DNAAF4: variants seen among roughly 807,000 people sequenced by gnomAD.
The protein encoded by DNAAF4 is dynein axonemal assembly factor 4.
DNAAF4 carries 43 observed loss-of-function variants against 51.8 expected under a neutral mutation model. That is an observed-to-expected ratio of 0.83 (90% confidence interval 0.65 to 1.07). DNAAF4 has a LOEUF of 1.07. Among genes scored for constraint, DNAAF4 ranks in the 50% least tolerant of loss-of-function variants. The pLI is 0.00. For synonymous variants in DNAAF4, 194 were observed against 165.6 expected, an observed-to-expected ratio of 1.17 and a Z score of -1.32; for missense variants, 581 against 493.0, an observed-to-expected ratio of 1.18 and a Z score of -1.69.
chr15:55,505,194 A>C (rs2058720552), intron 1 of DNAAF4, among the ~76,000 whole-genome samples: 1 of 152,214 alleles, frequency 6.6e-6, no homozygotes, highest in Non-Finnish European at 1.5e-5. Context: ...TCATCAAAGA[A>C]ATGCAAATCA....
At chr15:55,433,371 G>A (rs1157469246) in intron 8 of DNAAF4, among the ~76,000 whole-genome samples, 1 of 151,934 alleles carries the variant, frequency 6.6e-6, no homozygotes, top group Non-Finnish European at 1.5e-5. Context: ...AGCACTTTGG[G>A]AGGCCCAGGC....
rs551035431 is a variant in DNAAF4, at chr15:55,442,420, G to A, written c.784-2839C>T. 6.6e-5 allele frequency among the ~76,000 whole-genome samples: 10 copies of A among 152,336 alleles called. No individual in the cohort carries two copies. The South Asian group carries it at 1.5e-3, about 22-fold the overall frequency. ...AGGCGTGAGCCACAGCGCCCTGACT[G>A]AGAGTTGTCGAAATGCTCGCAGGAA... On this transcript the variant is annotated intron_variant, in intron 6 of 9. Coordinates refer to ENST00000321149, the MANE Select transcript of DNAAF4 (RefSeq NM_130810.4).
At chr15:55,443,287 C>T (rs1288879095) in intron 6 of DNAAF4, 15 of 1,496,178 alleles carry the variant, frequency 1.0e-5, no homozygotes, top group South Asian at 2.3e-5. Context: ...ACCCGGCAGG[C>T]GCCTGCCTAC....
chr15:55,453,249 T>C (rs148116743), intron 5 of DNAAF4, among the ~76,000 whole-genome samples: 1,696 of 152,274 alleles, frequency 0.011, 16 homozygotes, highest in South Asian at 0.016. Context: ...AACAAGTCTT[T>C]TGCAAATAAG....
intron 7 of DNAAF4, among the ~76,000 whole-genome samples, chr15:55,421,767 T>C: frequency 6.6e-6 from 1 of 151,848 alleles, no homozygotes; most frequent in Non-Finnish European, 1.5e-5. Flanking sequence ...CGCATGCCTG[T>C]AATCCCAGCT....
At chr15:55,501,540 T>C (rs1317579664) in intron 1 of DNAAF4, among the ~76,000 whole-genome samples, 1 of 147,358 alleles carries the variant, frequency 6.8e-6, no homozygotes, top group Non-Finnish European at 1.5e-5. Flanking sequence ...CGCATCCGGC[T>C]GATTTTTTGC....
intron 4 of DNAAF4, among the ~76,000 whole-genome samples, chr15:55,475,402 A>C (rs1366877698): frequency 6.6e-6 from 1 of 152,226 alleles, no homozygotes; most frequent in Non-Finnish European, 1.5e-5. Flanking sequence ...TAAGTATGAA[A>C]GGTAAGAAGC....
chr15:55,492,043 G>A (rs1187261440), intron 3 of DNAAF4, among the ~76,000 whole-genome samples: 3 of 151,332 alleles, frequency 2.0e-5, no homozygotes, highest in African/African-American at 4.8e-5. Flanking sequence ...TTTATGTAGA[G>A]ACGAGGTCTC....
At chr15:55,455,009 A>G (rs537150460) in intron 5 of DNAAF4, among the ~76,000 whole-genome samples, 17 of 150,422 alleles carry the variant, frequency 1.1e-4, no homozygotes, top group African/African-American at 4.1e-4. Context: ...AAGTAAATAA[A>G]AACTTTATGA....
chr15:55,505,295 T>C (rs1025411294), intron 1 of DNAAF4, among the ~76,000 whole-genome samples: 144 of 152,094 alleles, frequency 9.5e-4, no homozygotes, highest in African/African-American at 2.8e-3. Flanking sequence ...TGTGGAGAAA[T>C]AGGAACACTT....
intron 4 of DNAAF4, among the ~76,000 whole-genome samples, chr15:55,476,707 G>A (rs1243866319): frequency 6.6e-6 from 1 of 151,866 alleles, no homozygotes; most frequent in African/African-American, 2.4e-5. Context: ...AGTCACAAAA[G>A]GACAAATATT....
At chr15:55,469,329 CA>C (rs542339665) in intron 4 of DNAAF4, among the ~76,000 whole-genome samples, 30 of 133,536 alleles carry the variant, frequency 2.2e-4, no homozygotes, top group Non-Finnish European at 1.9e-4. Context: ...AGGCTCCTCT[CA>C]AAAAAAAAAG....
intron 4 of DNAAF4, among the ~76,000 whole-genome samples, chr15:55,472,562 G>A (rs2058269923): frequency 6.6e-6 from 1 of 152,042 alleles, no homozygotes; most frequent in African/African-American, 2.4e-5. Flanking sequence ...AGGTTACAGT[G>A]AGCCAAGATC....
intron 4 of DNAAF4, among the ~76,000 whole-genome samples, chr15:55,467,963 G>A (rs1321136152): frequency 1.1e-4 from 16 of 152,116 alleles, no homozygotes; most frequent in Admixed American, 1.0e-3. Context: ...CCTATGGTAA[G>A]AAAAATTTCT....
intron 6 of DNAAF4, among the ~76,000 whole-genome samples, chr15:55,445,977 G>A (rs1169316577): frequency 1.5e-3 from 204 of 133,554 alleles, no homozygotes; most frequent in African/African-American, 5.5e-3. Context: ...GGGCAGAGGC[G>A]CTCCTCACAT....
downstream of DNAAF4, among the ~76,000 whole-genome samples, chr15:55,425,381 T>C (rs2057421914): frequency 6.6e-6 from 1 of 152,130 alleles, no homozygotes; most frequent in Admixed American, 6.6e-5. Context: ...ATGTTTTCTC[T>C]TGGTAATTTT....
At chr15:55,483,255 C>T (rs926509265) in intron 4 of DNAAF4, among the ~76,000 whole-genome samples, 4 of 151,976 alleles carry the variant, frequency 2.6e-5, no homozygotes, top group African/African-American at 9.7e-5. Flanking sequence ...CACCACCACA[C>T]CTGGCTAATT....
At chr15:55,501,117 G>C (rs1484728275) in intron 1 of DNAAF4, among the ~76,000 whole-genome samples, 4 of 151,712 alleles carry the variant, frequency 2.6e-5, no homozygotes, top group East Asian at 2.0e-4. Context: ...AGGCTGGAGT[G>C]CAGTGGCGCG....
chr15:55,505,684 C>G (rs536669364), intron 1 of DNAAF4, among the ~76,000 whole-genome samples: 2 of 151,670 alleles, frequency 1.3e-5, no homozygotes, highest in Non-Finnish European at 2.9e-5. Flanking sequence ...CCAAACACCA[C>G]GTGTTCTCAC....
Sources: gnomAD v4.1 joint callset for allele counts (sites outside exome capture counted in the v4.1 genomes callset) on GRCh38, gnomAD v4.1.1 for gene constraint, MANE v1.5 for transcripts, NCBI Gene and HGNC (gene_info 2026-07-23, HGNC 2026-07-21) for gene names.